ITK: variants seen among roughly 807,000 people sequenced by gnomAD.
The protein encoded by ITK is tyrosine-protein kinase ITK/TSK.
Under a neutral mutation model 87.6 loss-of-function variants are expected in ITK, and 45 were observed. The ratio of observed to expected loss-of-function variants is 0.51; its 90% CI spans 0.40 to 0.66. ITK has a LOEUF of 0.66. Ranked by LOEUF, ITK falls within the 30% of genes least tolerant of loss-of-function variation. The pLI, the probability that ITK is intolerant of heterozygous loss-of-function variation, is 0.00. For synonymous variants in ITK, 303 were observed against 273.6 expected (o/e 1.11, Z -1.06); for missense variants, 605 against 766.3 (o/e 0.79, Z 2.48).
chr5:157,240,438 C>A (rs1002068488), intron 10 of ITK: 27 of 552,284 alleles, frequency 4.9e-5, no homozygotes, highest in East Asian at 2.9e-4. Flanking sequence ...CCACATCCCT[C>A]CATGGATAAA....
intron 3 of ITK, among the ~76,000 whole-genome samples, chr5:157,212,966 A>T (rs1754220544): frequency 6.6e-6 from 1 of 152,184 alleles, no homozygotes; most frequent in African/African-American, 2.4e-5. Context: ...AATATTAGAG[A>T]TTAGATATCT....
intron 1 of ITK, among the ~76,000 whole-genome samples, chr5:157,207,620 T>C (rs1420211565): frequency 6.6e-6 from 1 of 151,968 alleles, no homozygotes; most frequent in Non-Finnish European, 1.5e-5. Flanking sequence ...TCTCAGGTGA[T>C]CTTCCCGTGT....
chr5:157,185,944 T>C (rs985217543), intron 1 of ITK, among the ~76,000 whole-genome samples: 6 of 152,240 alleles, frequency 3.9e-5, no homozygotes, highest in Admixed American at 1.3e-4. Flanking sequence ...TAACATTTAC[T>C]GAGCACTTAC....
chr5:157,191,010 A>G (rs1753742378), intron 1 of ITK, among the ~76,000 whole-genome samples: 1 of 152,180 alleles, frequency 6.6e-6, no homozygotes, highest in African/African-American at 2.4e-5. Context: ...CAGATTATAC[A>G]ATGGCCAAGA....
intron 1 of ITK, among the ~76,000 whole-genome samples, chr5:157,198,887 G>T (rs31221): frequency 0.99 from 151,193 of 152,292 alleles, 75,054 homozygotes; most frequent in Middle Eastern, 1. Context: ...CTCAGCCTCC[G>T]GAGTGGCTGG....
intron 10 of ITK, 187 bp from the exon 11 acceptor site, chr5:157,241,459 T>C: frequency 1.7e-6 from 1 of 577,710 alleles, no homozygotes; most frequent in Non-Finnish European, 3.1e-6. Flanking sequence ...TTTTACCACT[T>C]GCCCATCTGT....
chr5:157,252,035 A>G (rs926449127), intron 16 of ITK, among the ~76,000 whole-genome samples: 1 of 152,200 alleles, frequency 6.6e-6, no homozygotes, highest in Non-Finnish European at 1.5e-5. Flanking sequence ...AACTTGCTGA[A>G]TTTTTATTAG....
At chr5:157,208,526 T>C (rs1158033099) in intron 1 of ITK, among the ~76,000 whole-genome samples, 3 of 152,200 alleles carry the variant, frequency 2.0e-5, no homozygotes, top group Non-Finnish European at 4.4e-5. Context: ...AATATGGTCA[T>C]GGATAGACAC....
intron 1 of ITK, among the ~76,000 whole-genome samples, chr5:157,205,307 G>T (rs776832238): frequency 2.0e-5 from 3 of 152,032 alleles, no homozygotes; most frequent in African/African-American, 7.3e-5. Flanking sequence ...TTTAAACATA[G>T]CTTTCCCAAA....
chr5:157,252,854 A>T lies in ITK; in HGVS notation c.*176A>T. The T allele has an allele frequency of 1.5e-6, 1 of 659,074 alleles. No homozygotes were observed. The highest frequency in any genetic ancestry group is 1.6e-5 in the South Asian group (1 of 64,146). 40.8% of individuals were successfully genotyped at this position (659,074 alleles called of 1,614,324 possible). A position where few individuals can be genotyped will look rare whatever the true frequency, so the allele number is the denominator to read the frequency against. On this transcript the variant is annotated 3_prime_UTR_variant, in exon 17 of 17. Transcript: ENST00000422843. ...GCATCCTGACCACAGCTGGCAGTCA[A>T]GCCACAGCTGGAGGGTCAGCCACCA...
intron 1 of ITK, among the ~76,000 whole-genome samples, chr5:157,201,913 G>T (rs1041632697): frequency 2.6e-5 from 4 of 152,106 alleles, no homozygotes; most frequent in Non-Finnish European, 5.9e-5. Context: ...TGTTGCAGGG[G>T]TTTGGTGTAC....
chr5:157,212,625 A>G (rs1235460172), intron 3 of ITK, among the ~76,000 whole-genome samples: 1 of 152,230 alleles, frequency 6.6e-6, no homozygotes, highest in Non-Finnish European at 1.5e-5. Context: ...GTTCAAGGCT[A>G]CAGTGAGCCA....
intron 1 of ITK, among the ~76,000 whole-genome samples, chr5:157,204,344 T>C (rs973931263): frequency 3.3e-5 from 5 of 152,044 alleles, no homozygotes; most frequent in Admixed American, 2.0e-4. Context: ...GCAGATTGCC[T>C]GAGCTCAGGA....
chr5:157,240,570 G>T (rs950021893), intron 10 of ITK: 75 of 311,162 alleles, frequency 2.4e-4, no homozygotes, highest in African/African-American at 1.6e-3. Context: ...ACCTGAGGCT[G>T]GGTAATTTAT....
At chr5:157,245,007 C>T (rs955011685) in intron 13 of ITK, 47 of 175,312 alleles carry the variant, frequency 2.7e-4, no homozygotes, top group Non-Finnish European at 3.6e-4. Flanking sequence ...GGGCGAATCA[C>T]GAGGTCAGGA....
chr5:157,229,512 C>A (rs576607458), intron 7 of ITK, among the ~76,000 whole-genome samples: 3 of 152,200 alleles, frequency 2.0e-5, no homozygotes, highest in Admixed American at 6.5e-5. Flanking sequence ...ATATATTAGA[C>A]AAATCCAAAT....
At chr5:157,239,531 C>T (rs1419212731) in intron 9 of ITK, among the ~76,000 whole-genome samples, 4 of 152,024 alleles carry the variant, frequency 2.6e-5, no homozygotes, top group South Asian at 2.1e-4. Context: ...TTCTAGCAGA[C>T]GGTTTAGGTA....
chr5:157,228,466 C>T, intron 7 of ITK, 105 bp downstream of exon 7: 1 of 734,674 alleles, frequency 1.4e-6, no homozygotes, highest in Non-Finnish European at 2.5e-6. Context: ...ATCCCTACTG[C>T]AACAGCAATG....
intron 8 of ITK, among the ~76,000 whole-genome samples, chr5:157,235,160 A>G (rs577392312): frequency 6.6e-6 from 1 of 152,236 alleles, no homozygotes; most frequent in South Asian, 2.1e-4. Context: ...TAAACTAACA[A>G]CTCCACTTAA....
Sources: gnomAD v4.1 joint callset for allele counts (sites outside exome capture counted in the v4.1 genomes callset) on GRCh38, gnomAD v4.1.1 for gene constraint, MANE v1.5 for transcripts, NCBI Gene and HGNC (gene_info 2026-07-23, HGNC 2026-07-21) for gene names.